SORT1: variants seen among roughly 807,000 people sequenced by gnomAD.
SORT1 encodes sortilin 1, also known as sortilin.
A neutral mutation model predicts 101.7 loss-of-function variants in SORT1; 39 were observed. The observed-to-expected ratio is 0.38, with a 90% CI of 0.30 to 0.50. The LOEUF is 0.50. Among genes scored for constraint, SORT1 ranks in the 20% least tolerant of loss-of-function variants. SORT1 has a pLI of 0.90. For missense variants in SORT1, 878 were observed against 1,040.4 expected (o/e 0.84, Z 2.15); for synonymous variants, 396 against 393.7 (o/e 1.01, Z -0.07).
In SORT1 at chr1:109,369,909, A is replaced by C. The variant is rs1651380466; in HGVS notation, c.307-320T>G. ...AGAACTAAATATAAAGGTATAGCAA[A>C]GTATTTTTAGGATGCTTTAAAACAA... On this transcript the variant is annotated intron_variant, in intron 1 of 19. Transcript: ENST00000256637. Among the ~76,000 whole-genome samples, 4 of 152,338 alleles carry C rather than the reference A, an allele frequency of 2.6e-5. No homozygotes were observed. In the South Asian group the frequency reaches 8.3e-4, roughly 32 times the overall value.
intron 1 of SORT1, among the ~76,000 whole-genome samples, chr1:109,380,029 A>T (rs1260635990): frequency 6.6e-6 from 1 of 152,196 alleles, no homozygotes; most frequent in Non-Finnish European, 1.5e-5. Flanking sequence ...TAATCCTAGC[A>T]TTTTGGGAGG....
chr1:109,367,992 A>G (rs1242261517), intron 2 of SORT1, among the ~76,000 whole-genome samples: 1 of 152,184 alleles, frequency 6.6e-6, no homozygotes, highest in African/African-American at 2.4e-5. Context: ...TCAGAAAGCC[A>G]TATGAGAAAT....
chr1:109,379,195 G>A (rs571792960), intron 1 of SORT1, among the ~76,000 whole-genome samples: 3 of 152,022 alleles, frequency 2.0e-5, no homozygotes, highest in Admixed American at 2.0e-4. Flanking sequence ...TGCCTAAGAG[G>A]CAGATTGTTG....
chr1:109,320,380 T>G (rs1647541442), intron 15 of SORT1, among the ~76,000 whole-genome samples: 1 of 152,222 alleles, frequency 6.6e-6, no homozygotes, highest in African/African-American at 2.4e-5. Flanking sequence ...TGACATTACC[T>G]TCCTTCCCAC....
At chr1:109,322,316 C>A (rs932278762) in intron 15 of SORT1, among the ~76,000 whole-genome samples, 1 of 152,098 alleles carries the variant, frequency 6.6e-6, no homozygotes, top group Non-Finnish European at 1.5e-5. Flanking sequence ...TCATTTTCTA[C>A]AGATTTTTGT....
chr1:109,312,342 A>G lies in SORT1; in HGVS notation c.*1701T>C, dbSNP rs1658774846. 1 of 152,464 alleles carries G rather than the reference A, an allele frequency of 6.6e-6. No homozygotes were observed. Among genetic ancestry groups the G allele is most frequent in the African/African-American group, 2.4e-5 (1 of 41,384 alleles). The allele number at this position is 152,464 out of a possible 1,614,324, so 9.4% of individuals were successfully genotyped here. ...TCTTCACAAAAACTGCCTCAACTTT[A>G]TTTTCTAACTGAAGCTCCCTGACTC... On this transcript the variant is annotated 3_prime_UTR_variant, in exon 20 of 20. Coordinates refer to ENST00000256637, the MANE Select transcript of SORT1 (RefSeq NM_002959.7).
At chr1:109,396,752 C>T (rs938185126) in intron 1 of SORT1, among the ~76,000 whole-genome samples, 2 of 152,194 alleles carry the variant, frequency 1.3e-5, no homozygotes, top group African/African-American at 4.8e-5. Flanking sequence ...ATTGAAAATA[C>T]ATTATGCAAA....
Position 109,336,277 on chromosome 1 carries a change from T to C in SORT1, c.1334A>G (p.Asn445Ser). 6.2e-7 allele frequency: 1 copy of C among 1,613,606 alleles called. No individual in the cohort carries two copies. The highest frequency in any genetic ancestry group is 8.5e-7 in the Non-Finnish European group (1 of 1,179,482). The stretch of plus-strand genomic sequence containing the variant: ...TTTTGCTGTAGCATCACATTCACTG[T>C]TTTCAGGCTTCCTCAGGTGCGTCCA... ...GRWTHLRKPE[N>S]SECDATAKNK... Residue 445 changes from asparagine (N) to serine (S), a missense_variant, in exon 11 of 20, where the codon AAC becomes AGC. By Grantham distance (46) the Asn-to-Ser change is conservative (BLOSUM62 1). This residue lies in a region of SORT1 where 684 missense variants were observed against 894.5 expected (regional missense o/e 0.76). Coordinates refer to ENST00000256637, the MANE Select transcript of SORT1 (RefSeq NM_002959.7).
intron 17 of SORT1, among the ~76,000 whole-genome samples, chr1:109,316,441 C>G (rs1647227397): frequency 6.6e-6 from 1 of 152,152 alleles, no homozygotes. Flanking sequence ...CCATGTTGGA[C>G]AGCCTGGTCT....
At chr1:109,390,862 G>T (rs192032759) in intron 1 of SORT1, among the ~76,000 whole-genome samples, 5 of 152,016 alleles carry the variant, frequency 3.3e-5, no homozygotes, top group Admixed American at 3.3e-4. Flanking sequence ...ACATAAGACG[G>T]ATAGTATTCA....
intron 1 of SORT1, chr1:109,392,878 T>G: frequency 1.0e-6 from 1 of 985,254 alleles, no homozygotes; most frequent in Non-Finnish European, 1.2e-6. Flanking sequence ...TTCCTACTCC[T>G]TGATCCAAAG....
At chr1:109,379,302 T>TAA (rs796325806) in intron 1 of SORT1, among the ~76,000 whole-genome samples, 19 of 142,028 alleles carry the variant, frequency 1.3e-4, no homozygotes, top group African/African-American at 4.7e-4. Context: ...GCTAATTAGC[T>TAA]AAAAAAAAAA....
At position 109,397,815 on chromosome 1, in the gene SORT1, C is replaced by T; in HGVS notation, c.78G>A (p.Leu26=). 1 of 1,289,720 alleles carries T rather than the reference C, an allele frequency of 7.8e-7. No individual in the cohort carries two copies. Among genetic ancestry groups the T allele is most frequent in the Admixed American group, 3.0e-5 (1 of 33,112 alleles). 79.9% of individuals were successfully genotyped at this position (1,289,720 alleles called of 1,614,324 possible). ...CCTGGCTGAGGGTCGACGGCGGCAG[C>T]AGCTGCAGGAGGAGGAGGAGGCCGA... ...HGLGLLLLLQ[L]LPPSTLSQDR... is the part of the protein sequence containing the mutation. The change falls in exon 1 of 20, where the codon CTG becomes CTA. Residue 26 remains leucine (L), a synonymous_variant. Transcript: ENST00000256637.
At position 109,395,328 on chromosome 1, in the gene SORT1, G is replaced by A. The variant is rs1285408347; in HGVS notation, c.306+2259C>T. ...CTCTGCCTCCTGGGTTCAAGTGATC[G>A]TCATGCCTCAGCCTCCAGAATAACT... On this transcript the variant is annotated intron_variant, in intron 1 of 19. Transcript: ENST00000256637. Among the ~76,000 whole-genome samples, 8 of 138,868 alleles carry A rather than the reference G, an allele frequency of 5.8e-5. No homozygotes were observed. The East Asian group carries it at 6.7e-4, about 12-fold the overall frequency. 91.1% of individuals were successfully genotyped at this position (138,868 alleles called of 152,430 possible).
rs768461817 is a variant in SORT1 at position 109,310,053 on chromosome 1, CAGTCAGTCACCCGCT to C, written c.*3975_*3989del. On this transcript the variant is annotated 3_prime_UTR_variant, in exon 20 of 20. Transcript: ENST00000256637. Reference sequence around the variant, plus strand: ...GGAGGTGGGCCAAATCATCAGGGAACAGTCAGTCACCCGCTTGTGGCTGAGGGCATGCGGAGGATG... The same window carrying C: ...GGAGGTGGGCCAAATCATCAGGGAACTGTGGCTGAGGGCATGCGGAGGATG... 6 of 152,616 alleles carry C rather than the reference CAGTCAGTCACCCGCT, an allele frequency of 3.9e-5. No homozygotes were observed. Among genetic ancestry groups the C allele is most frequent in the Non-Finnish European group, 5.9e-5 (4 of 68,052 alleles). 9.5% of individuals were successfully genotyped at this position (152,616 alleles called of 1,614,324 possible).
chr1:109,350,392 G>T (rs1205433254), intron 6 of SORT1, among the ~76,000 whole-genome samples: 4 of 152,150 alleles, frequency 2.6e-5, no homozygotes, highest in Non-Finnish European at 5.9e-5. Context: ...AGACTCCCAA[G>T]TAAGAGCTCC....
In SORT1 at chr1:109,369,593, T is replaced by C; in HGVS notation, c.307-4A>G. 1.3e-6 allele frequency: 2 copies of C among 1,597,624 alleles called. No homozygotes were observed. The highest frequency in any genetic ancestry group is 1.7e-6 in the Non-Finnish European group (2 of 1,165,560). The stretch of plus-strand genomic sequence containing the variant: ...CTCTGAGATCATCAAACACATGCTA[T>C]AAGGGGAAAAAAAATTAATTTAGAA... On this transcript the variant is annotated splice_polypyrimidine_tract_variant and splice_region_variant and intron_variant, in intron 1 of 19. Transcript: ENST00000256637.
chr1:109,386,339 G>A (rs1652566696), intron 1 of SORT1, among the ~76,000 whole-genome samples: 1 of 152,176 alleles, frequency 6.6e-6, no homozygotes, highest in Non-Finnish European at 1.5e-5. Flanking sequence ...CTGAACACAA[G>A]ACAGAAGTGT....
At position 109,314,346 on chromosome 1, in the gene SORT1, G is replaced by C; in HGVS notation, c.2396C>G (p.Ala799Gly). 6.2e-7 allele frequency: 1 copy of C among 1,613,944 alleles called. No homozygotes were observed. The highest frequency in any genetic ancestry group is 1.1e-5 in the South Asian group (1 of 91,068). ...CACACCATCCACACCATTGGCCTCT[G>C]CATGCTGCTGCAGCACAGAGTATCG... ...VHRYSVLQQHAEANGVDGVDA... is the reference protein window; with the variant it reads ...VHRYSVLQQHGEANGVDGVDA... Residue 799 changes from alanine to glycine, a missense_variant, in exon 19 of 20, where the codon GCA becomes GGA. By Grantham distance (60) the Ala-to-Gly change is moderately conservative. This residue lies in a region of SORT1 where 684 missense variants were observed against 894.5 expected (regional missense o/e 0.76). Transcript: ENST00000256637.
Sources: allele counts gnomAD v4.1 joint callset (sites outside exome capture counted in the v4.1 genomes callset), GRCh38; gene constraint gnomAD v4.1.1; regional missense constraint gnomAD v4.1.1; transcripts MANE v1.5; gene names NCBI Gene and HGNC (gene_info 2026-07-23, HGNC 2026-07-21).